RPL4: variants seen among roughly 807,000 people sequenced by gnomAD.
RPL4 encodes the protein ribosomal protein L4.
Under a neutral mutation model 47.7 loss-of-function variants are expected in RPL4, and 3 were observed. The ratio of observed to expected loss-of-function variants is 0.06; its 90% confidence interval spans 0.03 to 0.16. The LOEUF (loss-of-function observed/expected upper bound fraction) is 0.16. Among genes scored for constraint, RPL4 ranks in the 10% least tolerant of loss-of-function variants. RPL4 has a pLI of 1.00. For synonymous variants in RPL4, 208 were observed against 182.1 expected, an observed-to-expected ratio of 1.14 and a Z score of -1.15; for missense variants, 413 against 551.3, an observed-to-expected ratio of 0.75 and a Z score of 2.51.
chr15:66,500,577 T>C, intron 7 of RPL4: 1 of 588,514 alleles, frequency 1.7e-6, no homozygotes, highest in Non-Finnish European at 3.0e-6. Context: ...GTGGATCACC[T>C]AAGGTCAGGA....
Position 66,500,151 on chromosome 15 carries a change from T to G in RPL4, c.943A>C (p.Lys315Gln). ...PRKKIHRRVL[K>Q]KNPLKNLRIM... is the part of the protein sequence containing the mutation. ...CTCAAGTTTTTCAGTGGGTTCTTCT[T>G]TAGGACTCTGCGATGGATCTTCTTG... The change falls in exon 9 of 10, where the codon AAG becomes CAG. Residue 315 changes from lysine to glutamine, a missense_variant. Physicochemically the swap from Lys to Gln is moderately conservative, Grantham distance 53. Coordinates refer to ENST00000307961, the MANE Select transcript of RPL4 (RefSeq NM_000968.4). 1 of 1,613,748 alleles carries G rather than the reference T, an allele frequency of 6.2e-7. No homozygotes were observed. The highest frequency in any genetic ancestry group is 8.5e-7 in the Non-Finnish European group (1 of 1,179,938).
chr15:66,500,043 A>ACAAT lies in RPL4; in HGVS notation c.1038+12_1038+13insATTG. ...GACTCAAAAACAAACAAACAAACAA[A>ACAAT]AACTCCACTCACATTCCTGGCCTGG... On this transcript the variant is annotated intron_variant, in intron 9 of 9. Coordinates refer to ENST00000307961, the MANE Select transcript of RPL4 (RefSeq NM_000968.4). The ACAAT allele has an allele frequency of 6.2e-7, 1 of 1,611,328 alleles. No individual in the cohort carries two copies.
chr15:66,499,996 C>G, intron 9 of RPL4, 60 bp downstream of exon 9: 1 of 1,600,872 alleles, frequency 6.2e-7, no homozygotes, highest in African/African-American at 1.3e-5. Context: ...GCACTCCAGC[C>G]TGGGTGACAG....
At position 66,498,172 on chromosome 15, in the gene RPL4, C is replaced by CA. The variant is rs1484298688; in HGVS notation, c.*1234dup. Reference sequence around the variant, plus strand: ...TGCACATGTGTTTGAAGGCAGGCACCAAATCAGTAGCACATGAACTCTACT... The same window carrying CA: ...TGCACATGTGTTTGAAGGCAGGCACCAAAATCAGTAGCACATGAACTCTACT... On this transcript the variant is annotated 3_prime_UTR_variant, in exon 10 of 10. Coordinates refer to ENST00000307961, the MANE Select transcript of RPL4 (RefSeq NM_000968.4). 1.1e-5 allele frequency: 2 copies of CA among 187,458 alleles called. No individual in the cohort carries two copies. Among genetic ancestry groups the CA allele is most frequent in the Non-Finnish European group, 1.1e-5 (1 of 88,404 alleles). 11.6% of individuals were successfully genotyped at this position (187,458 alleles called of 1,614,324 possible).
At position 66,503,416 on chromosome 15, in the gene RPL4, A is replaced by G. The variant is rs1893667822; in HGVS notation, c.117T>C (p.Phe39=). ...TGTTTTTGCGCAAGTTGGTGTGAAC[A>G]AAGTTCACAATATCTGGTCGAATAG... The part of the protein sequence containing the change: ...KAPIRPDIVN[F]VHTNLRKNNR... Residue 39 remains phenylalanine, a synonymous_variant, in exon 2 of 10, where the codon TTT becomes TTC. Transcript: ENST00000307961. 2 of 1,611,956 alleles carry G rather than the reference A, an allele frequency of 1.2e-6. No individual in the cohort carries two copies. Among genetic ancestry groups the G allele is most frequent in the East Asian group, 2.2e-5 (1 of 44,814 alleles).
In RPL4 at chr15:66,501,153, AAC is replaced by A. The variant is rs1291436232; in HGVS notation, c.677-50_677-49del. ...AGGGAGCCTGTATTCCAACAAAAGAAACACAAATCATCTTTATGGCTTAAGAG... is the reference window on the plus strand; with the variant it reads ...AGGGAGCCTGTATTCCAACAAAAGAAACAAATCATCTTTATGGCTTAAGAG... On this transcript the variant is annotated intron_variant, in intron 6 of 9. Transcript: ENST00000307961. 4 of 1,601,476 alleles carry A rather than the reference AAC, an allele frequency of 2.5e-6. No individual in the cohort carries two copies. In the African/African-American group the frequency reaches 5.4e-5, roughly 22 times the overall value.
chr15:66,499,832 T>TTGGCC (rs1399275319), intron 9 of RPL4, 180 bp from the exon 10 acceptor site: 1 of 942,334 alleles, frequency 1.1e-6, no homozygotes, highest in African/African-American at 1.7e-5. Flanking sequence ...GAGACCAGCC[T>TTGGCC]AACAATATAG....
intron 9 of RPL4, 123 bp downstream of exon 9, chr15:66,499,933 G>C (rs910705605): frequency 6.4e-6 from 8 of 1,241,248 alleles, no homozygotes; most frequent in Middle Eastern, 5.7e-4. Context: ...TGAGACAGAA[G>C]AACTGCTTGA....
At position 66,502,886 on chromosome 15, in the gene RPL4, A is replaced by G; in HGVS notation, c.283-136T>C. ...GGCAACTGTCGCTGAGAACAGAGTAAGACGCAAATTACGACATCATTGCAA... is the reference window on the plus strand; with the variant it reads ...GGCAACTGTCGCTGAGAACAGAGTAGGACGCAAATTACGACATCATTGCAA... On this transcript the variant is annotated intron_variant, in intron 3 of 9. Coordinates refer to ENST00000307961, the MANE Select transcript of RPL4 (RefSeq NM_000968.4). 3.5e-6 allele frequency: 5 copies of G among 1,421,884 alleles called. No individual in the cohort carries two copies. The South Asian group carries it at 4.6e-5, about 13-fold the overall frequency. The allele number at this position is 1,421,884 out of a possible 1,614,324, so 88.1% of individuals were successfully genotyped here. A position where few individuals can be genotyped will look rare whatever the true frequency, so the allele number is the denominator to read the frequency against.
rs1893671025 is a variant in RPL4 at position 66,503,522 on chromosome 15, G to A, written c.11C>T (p.Ala4Val). Residue 4 changes from alanine (A) to valine (V), a missense_variant, in exon 2 of 10, where the codon GCT becomes GTT. Ala to Val is a moderately conservative substitution (Grantham distance 64). This residue lies in a region of RPL4 where 56 missense variants were observed against 70.6 expected (regional missense o/e 0.79). Transcript: ENST00000307961. MACARPLISVYSEK... is the reference protein window; with the variant it reads MACVRPLISVYSEK... ...GGAGTACACCGATATCAGTGGGCGA[G>A]CACACGCCTAAAGAAAAAGACAAGG... is the stretch of plus-strand genomic sequence containing the variant. The A allele has an allele frequency of 3.8e-6, 6 of 1,592,012 alleles. No individual in the cohort carries two copies. Among genetic ancestry groups the A allele is most frequent in the Non-Finnish European group, 5.1e-6 (6 of 1,165,818 alleles).
In RPL4 at chr15:66,500,072, A is replaced by T. The variant is rs775414303; in HGVS notation, c.1022T>A (p.Leu341His). 1.6e-5 allele frequency: 26 copies of T among 1,611,784 alleles called. No homozygotes were observed. Among genetic ancestry groups the T allele is most frequent in the Non-Finnish European group, 2.1e-5 (25 of 1,179,812 alleles). Residue 341 changes from leucine to histidine, a missense_variant, in exon 9 of 10, where the codon CTT (leucine) becomes CAT (histidine). By Grantham distance (99) the Leu-to-His change is moderately conservative. Transcript: ENST00000307961. ...TCCACTCACATTCCTGGCCTGGCGA[A>T]GAATGGTGTTCCGGCGCATGGTCTT... The part of the protein sequence containing the change: ...YAKTMRRNTI[L>H]RQARNHKLRV...
chr15:66,503,508 A>C lies in RPL4; in HGVS notation c.25T>G (p.Ser9Ala), dbSNP rs773349465. 1.9e-6 allele frequency: 3 copies of C among 1,605,842 alleles called. No homozygotes were observed. The highest frequency in any genetic ancestry group is 1.7e-5 in the Admixed American group (1 of 59,730). ...GACTCCCCCTTTTCGGAGTACACCG[A>C]TATCAGTGGGCGAGCACACGCCTAA... MACARPLI[S>A]VYSEKGESSG... The change falls in exon 2 of 10, where the codon TCG becomes GCG. Residue 9 changes from serine to alanine, a missense_variant. This residue lies in a region of RPL4 where 56 missense variants were observed against 70.6 expected (regional missense o/e 0.79). Transcript: ENST00000307961.
intron 4 of RPL4, 126 bp downstream of exon 4, chr15:66,502,486 A>T: frequency 1.9e-6 from 2 of 1,040,898 alleles, no homozygotes; most frequent in Non-Finnish European, 1.4e-6. Context: ...TTTATGCTAA[A>T]AACATTCAAA....
At position 66,503,343 on chromosome 15, in the gene RPL4, G is replaced by A. The variant is rs1169051181; in HGVS notation, c.175+15C>T. The A allele has an allele frequency of 6.2e-7, 1 of 1,611,366 alleles. No homozygotes were observed. The highest frequency in any genetic ancestry group is 8.5e-7 in the Non-Finnish European group (1 of 1,177,710). On this transcript the variant is annotated intron_variant, in intron 2 of 9. Coordinates refer to ENST00000307961, the MANE Select transcript of RPL4 (RefSeq NM_000968.4). ...AGCAGTCCCTAAAATATCTGCAGAA[G>A]ATATAAATCCATACCTGCTAATTCA...
intron 1 of RPL4, among the ~76,000 whole-genome samples, chr15:66,504,408 T>C (rs1391218800): frequency 6.6e-6 from 1 of 152,200 alleles, no homozygotes; most frequent in Non-Finnish European, 1.5e-5. Flanking sequence ...GATTCAAAGA[T>C]TTTGATAACA....
chr15:66,502,112 G>A (rs537766981), intron 4 of RPL4, 200 bp from the exon 5 acceptor site: 1 of 778,698 alleles, frequency 1.3e-6, no homozygotes, highest in South Asian at 1.4e-5. Context: ...AAAATGCGAT[G>A]GGTACGCAAC....
chr15:66,501,135 CT>C (rs1463491332), intron 6 of RPL4, 30 bp from the exon 7 acceptor site: 3 of 1,607,324 alleles, frequency 1.9e-6, no homozygotes, highest in Admixed American at 1.7e-5. Flanking sequence ...ATTAGGGAGC[CT>C]GTATTCCAAC....
rs1476622056 is a variant in RPL4 at position 66,502,439 on chromosome 15, A to G, written c.421+173T>C. 6 of 690,698 alleles carry G rather than the reference A, an allele frequency of 8.7e-6. No homozygotes were observed. In the Admixed American group the frequency reaches 1.3e-4, roughly 15 times the overall value. 42.8% of individuals were successfully genotyped at this position (690,698 alleles called of 1,614,324 possible). A position where few individuals can be genotyped will look rare whatever the true frequency, so the allele number is the denominator to read the frequency against. On this transcript the variant is annotated intron_variant, in intron 4 of 9. Coordinates refer to ENST00000307961, the MANE Select transcript of RPL4 (RefSeq NM_000968.4). ...CTGAATGCACTCATTTGTCAAGATC[A>G]AATCAGTGTAACTGGAATATCCATG...
rs922339500 is a variant in RPL4 at position 66,498,990 on chromosome 15, CA to C, written c.*416del. 7.2e-5 allele frequency: 12 copies of C among 167,662 alleles called. No homozygotes were observed. The highest frequency in any genetic ancestry group is 7.0e-4 in the South Asian group (5 of 7,190). The allele number at this position is 167,662 out of a possible 1,614,324, so 10.4% of individuals were successfully genotyped here. A position where few individuals can be genotyped will look rare whatever the true frequency, so the allele number is the denominator to read the frequency against. On this transcript the variant is annotated 3_prime_UTR_variant, in exon 10 of 10. Transcript: ENST00000307961. The stretch of plus-strand genomic sequence containing the variant: ...GAGGTAATCAATTTTACTGCAGTAC[CA>C]AAAAAATTGTGCTCTCCAGTTGTGC...
Sources: allele counts gnomAD v4.1 joint callset (sites outside exome capture counted in the v4.1 genomes callset), GRCh38; gene constraint gnomAD v4.1.1; regional missense constraint gnomAD v4.1.1; transcripts MANE v1.5; gene names NCBI Gene and HGNC (gene_info 2026-07-23, HGNC 2026-07-21).